CPNE1: variants seen among roughly 807,000 people sequenced by gnomAD.
CPNE1 encodes the protein copine-1.
A neutral mutation model predicts 63.2 loss-of-function variants in CPNE1; 58 were observed. That is an observed-to-expected ratio of 0.92 (90% confidence interval 0.74 to 1.14). The LOEUF (loss-of-function observed/expected upper bound fraction) is 1.14, where lower values mean the gene tolerates loss of function less well. Among genes scored for constraint, CPNE1 ranks in the 50% most tolerant of loss-of-function variants. The pLI, the probability that CPNE1 is intolerant of heterozygous loss-of-function variation, is 0.00. For missense variants in CPNE1, 672 were observed against 661.7 expected, an observed-to-expected ratio of 1.02 and a Z score of -0.17; for synonymous variants, 237 against 249.0, an observed-to-expected ratio of 0.95 and a Z score of 0.45.
intron 1 of CPNE1, among the ~76,000 whole-genome samples, chr20:35,657,385 T>G (rs2033960637): frequency 6.6e-6 from 1 of 152,206 alleles, no homozygotes; most frequent in African/African-American, 2.4e-5. Context: ...TGTGATAGCA[T>G]TTCCTGTTCA....
chr20:35,653,864 C>G, intron 1 of CPNE1: 1 of 1,614,076 alleles, frequency 6.2e-7, no homozygotes, highest in Non-Finnish European at 8.5e-7. Context: ...CGACACAGAG[C>G]AGCCTTATAG....
intron 13 of CPNE1, among the ~76,000 whole-genome samples, chr20:35,629,125 GA>G (rs1391150334): frequency 2.0e-5 from 3 of 152,148 alleles, no homozygotes; most frequent in South Asian, 2.1e-4. Context: ...ACATGTATGA[GA>G]AAAGAGAAAA....
intron 1 of CPNE1, among the ~76,000 whole-genome samples, chr20:35,640,302 C>G (rs904618299): frequency 6.6e-6 from 1 of 152,194 alleles, no homozygotes; most frequent in African/African-American, 2.4e-5. Flanking sequence ...TGTCACTCTT[C>G]TGTCCTACAT....
intron 1 of CPNE1, among the ~76,000 whole-genome samples, chr20:35,634,763 CAG>C (rs2032388471): frequency 6.6e-6 from 1 of 152,034 alleles, no homozygotes; most frequent in African/African-American, 2.4e-5. Context: ...TTTCGTGAGA[CAG>C]AGTCTCACTG....
At chr20:35,658,904 C>T (rs1172830632) in intron 1 of CPNE1, 9 of 707,170 alleles carry the variant, frequency 1.3e-5, no homozygotes, top group African/African-American at 1.1e-4. Context: ...TGTATAAAAA[C>T]GAACTCTCTA....
In CPNE1 at chr20:35,655,427, T is replaced by C. The variant is rs184745466; in HGVS notation, c.-1+9333A>G. ...TAGCTACAAGAATGACCAGCTACCA[T>C]ATTAGGCCCTCAAATATTCCCTCAA... On this transcript the variant is annotated intron_variant, in intron 1 of 15. Coordinates refer to ENST00000397443, the MANE Select transcript of CPNE1 (RefSeq NM_152925.3). 1.5e-3 allele frequency: 1,706 copies of C among 1,167,752 alleles called. 3 individuals are homozygous for C. The highest frequency in any genetic ancestry group is 6.3e-3 in the Middle Eastern group (31 of 4,902). The allele number at this position is 1,167,752 out of a possible 1,614,324, so 72.3% of individuals were successfully genotyped here.
Position 35,639,498 on chromosome 20 carries a change from G to A in CPNE1, c.1-6575C>T, listed in dbSNP as rs139802427. Among the ~76,000 whole-genome samples, 648 of 152,040 alleles carry A rather than the reference G, an allele frequency of 4.3e-3. 1 individual carries two copies. The highest frequency in any genetic ancestry group is 0.014 in the African/African-American group (595 of 41,474). ...ATTACAGGCACCTGCCATCATGCCCGGCTAATTTTCATATTTTTGTAGAGA... is the reference window on the plus strand; with the variant it reads ...ATTACAGGCACCTGCCATCATGCCCAGCTAATTTTCATATTTTTGTAGAGA... On this transcript the variant is annotated intron_variant, in intron 1 of 15. Coordinates refer to ENST00000397443, the MANE Select transcript of CPNE1 (RefSeq NM_152925.3).
At chr20:35,664,640 C>G (rs528535661) in intron 1 of CPNE1, 120 bp downstream of exon 1, 2 of 152,638 alleles carry the variant, frequency 1.3e-5, no homozygotes, top group South Asian at 2.1e-4. Flanking sequence ...TGCCTCGACC[C>G]TTTGTGTGGG....
At chr20:35,636,767 C>T (rs1393559291) in intron 1 of CPNE1, among the ~76,000 whole-genome samples, 1 of 152,060 alleles carries the variant, frequency 6.6e-6, no homozygotes, top group Non-Finnish European at 1.5e-5. Flanking sequence ...CACAAGACTC[C>T]ATCTCAAATA....
chr20:35,654,723 T>C, intron 1 of CPNE1: 6 of 1,613,668 alleles, frequency 3.7e-6, no homozygotes, highest in Non-Finnish European at 5.1e-6. Flanking sequence ...ATGGCATTGG[T>C]GGCAGAGATG....
chr20:35,635,901 G>T (rs1182054784), intron 1 of CPNE1, among the ~76,000 whole-genome samples: 1 of 151,960 alleles, frequency 6.6e-6, no homozygotes, highest in Non-Finnish European at 1.5e-5. Flanking sequence ...CAGCACCCTG[G>T]CCCCTGCATG....
chr20:35,638,039 C>T (rs937294659), intron 1 of CPNE1, among the ~76,000 whole-genome samples: 1 of 152,232 alleles, frequency 6.6e-6, no homozygotes, highest in Admixed American at 6.5e-5. Context: ...TATTTAGTGA[C>T]TGACTTAACA....
At chr20:35,628,948 C>A (rs181801262) in intron 13 of CPNE1, among the ~76,000 whole-genome samples, 1 of 152,190 alleles carries the variant, frequency 6.6e-6, no homozygotes, top group Admixed American at 6.5e-5. Flanking sequence ...TAGAAGCAAA[C>A]CTGAGGCAGG....
chr20:35,626,841 C>T, intron 14 of CPNE1, 38 bp from the exon 15 acceptor site: 1 of 1,522,184 alleles, frequency 6.6e-7, no homozygotes, highest in Non-Finnish European at 9.1e-7. Flanking sequence ...AGCAGATCCT[C>T]CTCCTAAACC....
intron 1 of CPNE1, among the ~76,000 whole-genome samples, chr20:35,646,422 CTA>C (rs1462997900): frequency 7.7e-6 from 1 of 130,544 alleles, no homozygotes; most frequent in Non-Finnish European, 1.6e-5. Flanking sequence ...CAGGGTCTTG[CTA>C]TGTTACTCAC....
intron 1 of CPNE1, chr20:35,654,687 A>T (rs1271704813): frequency 6.2e-7 from 1 of 1,613,644 alleles, no homozygotes; most frequent in South Asian, 1.1e-5. Context: ...TAGGTACTGG[A>T]GGAGGAACTG....
At chr20:35,628,038 T>C (rs1014665596) in intron 13 of CPNE1, among the ~76,000 whole-genome samples, 4 of 151,826 alleles carry the variant, frequency 2.6e-5, no homozygotes, top group Non-Finnish European at 5.9e-5. Context: ...TCCCAGCACT[T>C]TGGGAGGCTG....
At position 35,664,743 on chromosome 20, in the gene CPNE1, G is replaced by A. The variant is rs1406223053; in HGVS notation, c.-1+17C>T. 3 of 152,284 alleles carry A rather than the reference G, an allele frequency of 2.0e-5. No homozygotes were observed. Among genetic ancestry groups the A allele is most frequent in the Admixed American group, 2.0e-4 (3 of 15,286 alleles). 9.4% of individuals were successfully genotyped at this position (152,284 alleles called of 1,614,324 possible). ...CCCCGCACAGCCCCACCCGTTCAGG[G>A]GCTGCGGGAGTCTTACCGGGGAAAG... On this transcript the variant is annotated intron_variant, in intron 1 of 15. Coordinates refer to ENST00000397443, the MANE Select transcript of CPNE1 (RefSeq NM_152925.3).
intron 15 of CPNE1, 32 bp downstream of exon 15, chr20:35,626,535 T>C (rs2031753922): frequency 6.2e-7 from 1 of 1,606,262 alleles, no homozygotes; most frequent in African/African-American, 1.3e-5. Context: ...GGTGAAAGGG[T>C]AAACTCCCAG....
Sources: allele counts gnomAD v4.1 joint callset (sites outside exome capture counted in the v4.1 genomes callset), GRCh38; gene constraint gnomAD v4.1.1; transcripts MANE v1.5; gene names NCBI Gene and HGNC (gene_info 2026-07-23, HGNC 2026-07-21).